NRXN3: variants seen among roughly 807,000 people sequenced by gnomAD.
The protein encoded by NRXN3 is neurexin III.
A neutral mutation model predicts 137.6 loss-of-function variants in NRXN3; 32 were observed. The observed-to-expected ratio is 0.23, with a 90% CI of 0.18 to 0.31. NRXN3 has a LOEUF of 0.31. Ranked by LOEUF, NRXN3 falls within the 10% of genes least tolerant of loss-of-function variation. NRXN3 has a pLI of 1.00. For synonymous variants in NRXN3, 798 were observed against 784.5 expected (o/e 1.02, Z -0.29); for missense variants, 1,574 against 2,062.5 (o/e 0.76, Z 4.59).
chr14:79,009,702 G>T (rs2099567879), intron 15 of NRXN3, among the ~76,000 whole-genome samples: 1 of 152,096 alleles, frequency 6.6e-6, no homozygotes, highest in East Asian at 1.9e-4. Flanking sequence ...CTTATAAACA[G>T]AAAAGGGTAG....
chr14:79,340,497 C>G (rs1244265926), intron 15 of NRXN3, among the ~76,000 whole-genome samples: 1 of 152,046 alleles, frequency 6.6e-6, no homozygotes, highest in East Asian at 1.9e-4. Flanking sequence ...CAGAGTTTTC[C>G]TCTTATTGCC....
intron 10 of NRXN3, among the ~76,000 whole-genome samples, chr14:78,944,030 G>T (rs2099360452): frequency 6.6e-6 from 1 of 152,004 alleles, no homozygotes; most frequent in African/African-American, 2.4e-5. Flanking sequence ...TTACAGGTTT[G>T]GTTAGGAGGG....
At chr14:79,830,356 C>T (rs1422202693) in intron 20 of NRXN3, among the ~76,000 whole-genome samples, 1 of 152,164 alleles carries the variant, frequency 6.6e-6, no homozygotes, top group Non-Finnish European at 1.5e-5. Context: ...GGACTTGACT[C>T]TGGATAGTGA....
At chr14:78,478,289 A>G (rs2095414480) in intron 4 of NRXN3, among the ~76,000 whole-genome samples, 1 of 152,152 alleles carries the variant, frequency 6.6e-6, no homozygotes, top group African/African-American at 2.4e-5. Context: ...CAGTGCACAG[A>G]GACAAGTAGT....
intron 4 of NRXN3, among the ~76,000 whole-genome samples, chr14:78,454,384 T>C (rs1345344045): frequency 6.6e-6 from 1 of 152,214 alleles, no homozygotes; most frequent in Non-Finnish European, 1.5e-5. Context: ...TGGTATTTTA[T>C]GAATCTTCCT....
chr14:79,034,129 G>A (rs2099612194), intron 15 of NRXN3, among the ~76,000 whole-genome samples: 1 of 151,958 alleles, frequency 6.6e-6, no homozygotes, highest in Non-Finnish European at 1.5e-5. Flanking sequence ...CTCAACATGT[G>A]CCTTCTAAAT....
chr14:78,505,701 A>G (rs1446067803), intron 4 of NRXN3, among the ~76,000 whole-genome samples: 2 of 152,138 alleles, frequency 1.3e-5, no homozygotes, highest in Admixed American at 6.5e-5. Flanking sequence ...AAAAAAGCAG[A>G]CTGTGCTTTT....
intron 19 of NRXN3, among the ~76,000 whole-genome samples, chr14:79,702,547 C>T (rs61993166): frequency 0.058 from 8,739 of 151,952 alleles, 308 homozygotes; most frequent in South Asian, 0.15. Context: ...TTGTTAAAAG[C>T]AGAGATTATA....
intron 16 of NRXN3, among the ~76,000 whole-genome samples, chr14:79,619,088 G>C (rs746653255): frequency 1.3e-5 from 2 of 151,670 alleles, no homozygotes; most frequent in Non-Finnish European, 2.9e-5. Flanking sequence ...AGTTTCTTAC[G>C]GATTCTAGAT....
chr14:79,133,271 T>G (rs977100360), intron 15 of NRXN3, among the ~76,000 whole-genome samples: 5 of 152,174 alleles, frequency 3.3e-5, no homozygotes, highest in Non-Finnish European at 5.9e-5. Context: ...TGGTGTGAAT[T>G]GTGTGTTTCC....
At chr14:79,550,359 T>C (rs2097362377) in intron 16 of NRXN3, among the ~76,000 whole-genome samples, 1 of 152,156 alleles carries the variant, frequency 6.6e-6, no homozygotes, top group South Asian at 2.1e-4. Context: ...TTCCATTTCA[T>C]TCTCTGGGAA....
rs2099415944 is a variant in NRXN3, at chr14:79,863,236, T to C, written c.*1272T>C. The stretch of plus-strand genomic sequence containing the variant: ...GTCCTTCCATTTGCTCACTTCTCTC[T>C]TCACCCATCTTTTTTAAAAACAAAT... On this transcript the variant is annotated 3_prime_UTR_variant, in exon 21 of 21. Coordinates refer to ENST00000335750, the MANE Select transcript of NRXN3 (RefSeq NM_001330195.2). 1.3e-5 allele frequency: 2 copies of C among 152,408 alleles called. No homozygotes were observed. The highest frequency in any genetic ancestry group is 2.9e-5 in the Non-Finnish European group (2 of 68,002). The allele number at this position is 152,408 out of a possible 1,614,324, so 9.4% of individuals were successfully genotyped here.
At chr14:79,117,694 G>A (rs755860976) in intron 15 of NRXN3, among the ~76,000 whole-genome samples, 3 of 151,902 alleles carry the variant, frequency 2.0e-5, no homozygotes, top group Non-Finnish European at 4.4e-5. Context: ...AGAAAAAAAA[G>A]CATTTTCAGT....
At chr14:79,624,429 C>T (rs981341772) in intron 16 of NRXN3, among the ~76,000 whole-genome samples, 2 of 134,388 alleles carry the variant, frequency 1.5e-5, no homozygotes, top group African/African-American at 3.6e-5. Flanking sequence ...TTTAAGGTGT[C>T]TCCATATATG....
intron 4 of NRXN3, among the ~76,000 whole-genome samples, chr14:78,486,343 A>G (rs2153745165): frequency 6.6e-6 from 1 of 152,290 alleles, no homozygotes; most frequent in South Asian, 2.1e-4. Context: ...CAGTGTTAAC[A>G]TGAGATGCCT....
At chr14:79,513,985 A>G (rs1166817681) in intron 16 of NRXN3, among the ~76,000 whole-genome samples, 1 of 152,208 alleles carries the variant, frequency 6.6e-6, no homozygotes, top group East Asian at 1.9e-4. Context: ...AAAGCAATAT[A>G]TAGAGCAAAT....
At chr14:79,319,228 T>A (rs1566786586) in intron 15 of NRXN3, among the ~76,000 whole-genome samples, 2 of 152,226 alleles carry the variant, frequency 1.3e-5, no homozygotes, top group Admixed American at 1.3e-4. Flanking sequence ...TTCCTTAGCA[T>A]GATCTCTTCT....
At chr14:78,545,413 T>TC (rs1388647204) in intron 4 of NRXN3, among the ~76,000 whole-genome samples, 1 of 152,222 alleles carries the variant, frequency 6.6e-6, no homozygotes, top group Non-Finnish European at 1.5e-5. Flanking sequence ...GTTTGATGTC[T>TC]CCCCTCTTCT....
intron 4 of NRXN3, among the ~76,000 whole-genome samples, chr14:78,504,924 T>A (rs2095956202): frequency 6.6e-6 from 1 of 152,112 alleles, no homozygotes; most frequent in South Asian, 2.1e-4. Flanking sequence ...GGGTCACAGC[T>A]CTTAGACCCA....
Sources: allele counts gnomAD v4.1 joint callset (sites outside exome capture counted in the v4.1 genomes callset), GRCh38; gene constraint gnomAD v4.1.1; transcripts MANE v1.5; gene names NCBI Gene and HGNC (gene_info 2026-07-23, HGNC 2026-07-21).